ATP8A2: variants seen among roughly 807,000 people sequenced by gnomAD.
ATP8A2 encodes ATPase phospholipid transporting 8A2.
In ATP8A2, 100 loss-of-function variants were observed where a neutral mutation model predicts 165.6. That is an observed-to-expected ratio of 0.60 (90% CI 0.51 to 0.71). The LOEUF (loss-of-function observed/expected upper bound fraction) is 0.71, where lower values mean the gene tolerates loss of function less well. Ranked by LOEUF, ATP8A2 falls within the 30% of genes least tolerant of loss-of-function variation. The pLI is 0.00. For synonymous variants in ATP8A2, 543 were observed against 548.8 expected (o/e 0.99, Z 0.15); for missense variants, 1,227 against 1,479.5 (o/e 0.83, Z 2.80).
At chr13:25,997,893 A>C (rs1053469173) in intron 35 of ATP8A2, among the ~76,000 whole-genome samples, 1 of 152,112 alleles carries the variant, frequency 6.6e-6, no homozygotes, top group African/African-American at 2.4e-5. Context: ...TTGTCAGACA[A>C]TTCCACTGTT....
At chr13:25,465,858 A>G (rs1256988895) in intron 1 of ATP8A2, among the ~76,000 whole-genome samples, 1 of 148,288 alleles carries the variant, frequency 6.7e-6, no homozygotes, top group Non-Finnish European at 1.5e-5. Context: ...TCCTGGGCTC[A>G]AGGCATCCTT....
intron 15 of ATP8A2, among the ~76,000 whole-genome samples, chr13:25,561,158 T>C (rs192954022): frequency 6.6e-5 from 10 of 152,276 alleles, no homozygotes; most frequent in Non-Finnish European, 1.2e-4. Context: ...GTGAATTTTT[T>C]CCATTATTTT....
intron 25 of ATP8A2, among the ~76,000 whole-genome samples, chr13:25,703,707 T>G (rs1217883104): frequency 6.6e-6 from 1 of 152,194 alleles, no homozygotes; most frequent in African/African-American, 2.4e-5. Context: ...ATTATATGAT[T>G]CCATTCCTAT....
chr13:25,986,466 T>A (rs542458850), intron 35 of ATP8A2, among the ~76,000 whole-genome samples: 3 of 152,262 alleles, frequency 2.0e-5, no homozygotes, highest in African/African-American at 7.2e-5. Flanking sequence ...AGTGTTTGTC[T>A]TTCTGTGCCT....
At chr13:25,774,626 CA>C (rs2044699410) in intron 26 of ATP8A2, among the ~76,000 whole-genome samples, 1 of 152,138 alleles carries the variant, frequency 6.6e-6, no homozygotes, top group Admixed American at 6.6e-5. Context: ...AGGAGTCCAG[CA>C]GTATGTTTAG....
chr13:25,388,588 T>C (rs1373295206), intron 1 of ATP8A2, among the ~76,000 whole-genome samples: 1 of 152,134 alleles, frequency 6.6e-6, no homozygotes, highest in African/African-American at 2.4e-5. Flanking sequence ...TCGCAGTGCT[T>C]TTCTATACAA....
At chr13:25,615,234 G>T (rs1416618538) in intron 24 of ATP8A2, among the ~76,000 whole-genome samples, 2 of 152,182 alleles carry the variant, frequency 1.3e-5, no homozygotes, top group Admixed American at 1.3e-4. Context: ...GGATGGAGAT[G>T]TGGTTTCCAG....
intron 25 of ATP8A2, among the ~76,000 whole-genome samples, chr13:25,768,750 C>T (rs2044549934): frequency 1.3e-5 from 2 of 152,172 alleles, no homozygotes; most frequent in African/African-American, 2.4e-5. Flanking sequence ...TATCATTCAG[C>T]AGGGCACACG....
intron 2 of ATP8A2, among the ~76,000 whole-genome samples, chr13:25,518,675 G>A (rs1018990747): frequency 6.6e-6 from 1 of 152,152 alleles, no homozygotes; most frequent in African/African-American, 2.4e-5. Context: ...TCAGACTCTG[G>A]TATTGTCTGT....
chr13:25,841,603 A>G (rs1048318074), intron 30 of ATP8A2, among the ~76,000 whole-genome samples: 2 of 152,248 alleles, frequency 1.3e-5, no homozygotes, highest in African/African-American at 2.4e-5. Context: ...TAGTACAGAG[A>G]AAAAAATCAT....
At position 25,529,980 on chromosome 13, in the gene ATP8A2, T is replaced by A; in HGVS notation, c.222-19T>A. 1 of 1,454,926 alleles carries A rather than the reference T, an allele frequency of 6.9e-7. No individual in the cohort carries two copies. Among genetic ancestry groups the A allele is most frequent in the Non-Finnish European group, 9.6e-7 (1 of 1,040,180 alleles). The allele number at this position is 1,454,926 out of a possible 1,614,324, so 90.1% of individuals were successfully genotyped here. A position where few individuals can be genotyped will look rare whatever the true frequency, so the allele number is the denominator to read the frequency against. ...TTTACATCTATAACTGATAGTATTA[T>A]TTTTCTTTGCACTTACAGTACGGCC... On this transcript the variant is annotated intron_variant, in intron 2 of 36. Transcript: ENST00000381655.
At chr13:25,899,051 C>T (rs766545419) in intron 33 of ATP8A2, among the ~76,000 whole-genome samples, 10 of 152,166 alleles carry the variant, frequency 6.6e-5, no homozygotes, top group African/African-American at 1.9e-4. Context: ...ACCCACTGTC[C>T]GGCACTCCCC....
chr13:25,879,174 C>G (rs546762096), intron 33 of ATP8A2, among the ~76,000 whole-genome samples: 1 of 152,166 alleles, frequency 6.6e-6, no homozygotes. Flanking sequence ...CCCACAAAAG[C>G]GTATCTTAAA....
At chr13:25,897,424 C>G (rs1203413145) in intron 33 of ATP8A2, among the ~76,000 whole-genome samples, 1 of 152,174 alleles carries the variant, frequency 6.6e-6, no homozygotes, top group Non-Finnish European at 1.5e-5. Context: ...ATGGGCTTCC[C>G]TTTGTGGGCA....
chr13:25,557,508 C>T lies in ATP8A2; in HGVS notation c.1264-1465C>T, dbSNP rs572747584. Among the ~76,000 whole-genome samples the T allele has an allele frequency of 1.6e-4, 25 of 152,220 alleles. No homozygotes were observed. The South Asian group carries it at 3.1e-3, about 19-fold the overall frequency. On this transcript the variant is annotated intron_variant, in intron 13 of 36. Coordinates refer to ENST00000381655, the MANE Select transcript of ATP8A2 (RefSeq NM_016529.6). ...CTCTTTGAACTCTTCTCCAGTTTTC[C>T]GGGCTTGGTTAGTCTGTCTTCTATG...
chr13:25,603,274 G>A (rs1194909397), intron 24 of ATP8A2, among the ~76,000 whole-genome samples: 3 of 151,964 alleles, frequency 2.0e-5, no homozygotes, highest in Admixed American at 6.6e-5. Flanking sequence ...GGTCGCTTGA[G>A]CCCAGGAGTT....
chr13:25,762,268 C>CAAAA (rs59081934), intron 25 of ATP8A2, among the ~76,000 whole-genome samples: 1,324 of 41,242 alleles, frequency 0.032, 380 homozygotes, highest in East Asian at 0.14. Flanking sequence ...GACTCTGTCT[C>CAAAA]AAAAAAAAAA....
At chr13:25,596,746 T>C (rs1338518309) in intron 24 of ATP8A2, among the ~76,000 whole-genome samples, 2 of 152,220 alleles carry the variant, frequency 1.3e-5, no homozygotes, top group African/African-American at 4.8e-5. Context: ...GTGCAAGTTT[T>C]GGTGAACATC....
At position 25,862,377 on chromosome 13, in the gene ATP8A2, C is replaced by G. The variant is rs1302880121; in HGVS notation, c.3152C>G (p.Thr1051Ser). Residue 1051 changes from threonine to serine, a missense_variant, in exon 33 of 37, where the codon ACC becomes AGC. Coordinates refer to ENST00000381655, the MANE Select transcript of ATP8A2 (RefSeq NM_016529.6). ...FFGIYSTIWPTIPIAPDMRGQ... is the reference protein window; with the variant it reads ...FFGIYSTIWPSIPIAPDMRGQ... ...GGCATCTACTCGACCATCTGGCCCACCATTCCCATTGCTCCAGATATGAGA... is the reference window on the plus strand; with the variant it reads ...GGCATCTACTCGACCATCTGGCCCAGCATTCCCATTGCTCCAGATATGAGA... 2.5e-6 allele frequency: 4 copies of G among 1,614,018 alleles called. No individual in the cohort carries two copies. The highest frequency in any genetic ancestry group is 1.7e-5 in the Admixed American group (1 of 60,024).
Sources: allele counts gnomAD v4.1 joint callset (sites outside exome capture counted in the v4.1 genomes callset), GRCh38; gene constraint gnomAD v4.1.1; transcripts MANE v1.5; gene names NCBI Gene and HGNC (gene_info 2026-07-23, HGNC 2026-07-21).